KIRREL3: variants seen among roughly 807,000 people sequenced by gnomAD.
The protein encoded by KIRREL3 is kirre like nephrin family adhesion molecule 3.
In KIRREL3, 36 loss-of-function variants were observed where a neutral mutation model predicts 89.7. The observed-to-expected ratio is 0.40, with a 90% CI of 0.31 to 0.53. The LOEUF (loss-of-function observed/expected upper bound fraction) is 0.53. Ranked by LOEUF, KIRREL3 falls within the 20% of genes least tolerant of loss-of-function variation. The pLI, the probability that KIRREL3 is intolerant of heterozygous loss-of-function variation, is 0.49. For synonymous variants in KIRREL3, 445 were observed against 441.4 expected, an observed-to-expected ratio of 1.01 and a Z score of -0.10; for missense variants, 864 against 1,056.6, an observed-to-expected ratio of 0.82 and a Z score of 2.53.
At chr11:126,542,979 T>G (rs1938492113) in intron 2 of KIRREL3, among the ~76,000 whole-genome samples, 1 of 152,162 alleles carries the variant, frequency 6.6e-6, no homozygotes, top group African/African-American at 2.4e-5. Flanking sequence ...TTATCTTACC[T>G]AATCCACCTT....
chr11:126,823,774 C>G (rs1201689928), intron 1 of KIRREL3, among the ~76,000 whole-genome samples: 3 of 152,180 alleles, frequency 2.0e-5, no homozygotes, highest in Non-Finnish European at 4.4e-5. Flanking sequence ...ACCTATCTGA[C>G]AAGTCTGAAA....
intron 1 of KIRREL3, among the ~76,000 whole-genome samples, chr11:126,716,857 G>A (rs950164908): frequency 1.2e-4 from 19 of 152,116 alleles, no homozygotes; most frequent in East Asian, 9.7e-4. Context: ...TGCAGTGGGT[G>A]CCTGTTTTGT....
rs986651470 is a variant in KIRREL3 at position 126,601,542 on chromosome 11, T to C, written c.56-38630A>G. On this transcript the variant is annotated intron_variant, in intron 1 of 16. Transcript: ENST00000525144. This position sits in a 1 kb window ranked among gnomAD's most constrained non-coding sequence, Gnocchi z 5.8. ...TTGAATTTGAAGGCTATTTTCTTCC[T>C]AAATGGCTAATTATGGGAGATAGAT... Among the ~76,000 whole-genome samples the C allele has an allele frequency of 6.6e-6, 1 of 152,210 alleles. No individual in the cohort carries two copies. Among genetic ancestry groups the C allele is most frequent in the Non-Finnish European group, 1.5e-5 (1 of 68,038 alleles).
chr11:126,441,906 G>C lies in KIRREL3; in HGVS notation c.1253-1357C>G, dbSNP rs1164693411. Among the ~76,000 whole-genome samples the C allele has an allele frequency of 6.6e-6, 1 of 152,160 alleles. No individual in the cohort carries two copies. Among genetic ancestry groups the C allele is most frequent in the Non-Finnish European group, 1.5e-5 (1 of 68,028 alleles). On this transcript the variant is annotated intron_variant, in intron 10 of 16. Coordinates refer to ENST00000525144, the MANE Select transcript of KIRREL3 (RefSeq NM_032531.4). This position sits in a 1 kb window ranked among gnomAD's most constrained non-coding sequence, Gnocchi z 5.0. Reference sequence around the variant, plus strand: ...CTCCAACAGGTCTAGGACCCAAAGAGATGAGGAGATTGATGTTTTAGGAAC... The same window carrying C: ...CTCCAACAGGTCTAGGACCCAAAGACATGAGGAGATTGATGTTTTAGGAAC...
chr11:126,911,984 A>AG (rs1491039792), intron 1 of KIRREL3, among the ~76,000 whole-genome samples: 292 of 66,396 alleles, frequency 4.4e-3, no homozygotes, highest in African/African-American at 0.013. Context: ...CTCTGTCTCA[A>AG]AAAAAAAAAA....
At chr11:126,833,113 T>G (rs1227743640) in intron 1 of KIRREL3, among the ~76,000 whole-genome samples, 1 of 152,216 alleles carries the variant, frequency 6.6e-6, no homozygotes, top group Non-Finnish European at 1.5e-5. Context: ...GTCTCCTAGA[T>G]GCTTGTCTCC....
intron 5 of KIRREL3, among the ~76,000 whole-genome samples, chr11:126,465,147 AC>A (rs1219356853): frequency 2.0e-5 from 3 of 152,092 alleles, no homozygotes; most frequent in Non-Finnish European, 4.4e-5. Flanking sequence ...ACTAGGAGGT[AC>A]TAGGAAGGAA....
At position 126,451,200 on chromosome 11, in the gene KIRREL3, CAT is replaced by C. The variant is rs1222209045; in HGVS notation, c.849-2045_849-2044del. 6.6e-5 allele frequency among the ~76,000 whole-genome samples: 9 copies of C among 136,442 alleles called. No homozygotes were observed. The South Asian group carries it at 2.2e-3, about 33-fold the overall frequency. 89.5% of individuals were successfully genotyped at this position (136,442 alleles called of 152,430 possible). The stretch of plus-strand genomic sequence containing the variant: ...ATGTGTGAATGTGGCCGTGTGTGTG[CAT>C]GTGTGTGCATGTGTGGGTGTGTGTA... On this transcript the variant is annotated intron_variant, in intron 7 of 16. Transcript: ENST00000525144.
chr11:126,817,463 C>A lies in KIRREL3; in HGVS notation c.55+182992G>T, dbSNP rs1425761993. Among the ~76,000 whole-genome samples, 1 of 152,150 alleles carries A rather than the reference C, an allele frequency of 6.6e-6. No individual in the cohort carries two copies. The highest frequency in any genetic ancestry group is 1.5e-5 in the Non-Finnish European group (1 of 68,034). Reference sequence around the variant, plus strand: ...TGGGGGACAGAAGGGGATGGTTTAGCAATATCCTCAGGCTTCTACCTTCCC... The same window carrying A: ...TGGGGGACAGAAGGGGATGGTTTAGAAATATCCTCAGGCTTCTACCTTCCC... On this transcript the variant is annotated intron_variant, in intron 1 of 16. Coordinates refer to ENST00000525144, the MANE Select transcript of KIRREL3 (RefSeq NM_032531.4). The surrounding 1 kb of genome is among the most constrained non-coding windows in gnomAD (Gnocchi z 5.7).
rs146193463 is a variant in KIRREL3 at position 126,762,794 on chromosome 11, G to A, written c.56-199882C>T. Reference sequence around the variant, plus strand: ...GATCTTCAGTGGAATACCTGAGAGCGTAGACTCATGTCACAGTCTCTTTCG... The same window carrying A: ...GATCTTCAGTGGAATACCTGAGAGCATAGACTCATGTCACAGTCTCTTTCG... On this transcript the variant is annotated intron_variant, in intron 1 of 16. Transcript: ENST00000525144. 2.1e-3 allele frequency among the ~76,000 whole-genome samples: 314 copies of A among 152,302 alleles called. 5 individuals carry two copies. Among genetic ancestry groups the A allele is most frequent in the Admixed American group, 4.3e-3 (66 of 15,298 alleles).
chr11:126,982,736 G>A (rs937384869), intron 1 of KIRREL3, among the ~76,000 whole-genome samples: 9 of 152,168 alleles, frequency 5.9e-5, no homozygotes, highest in Admixed American at 3.3e-4. Flanking sequence ...TCAAAGTGCA[G>A]GCAGTAAGCC....
Position 126,562,880 on chromosome 11 carries a change from C to T in KIRREL3, c.88G>A (p.Val30Met), listed in dbSNP as rs182260035. Residue 30 changes from valine to methionine, a missense_variant, in exon 2 of 17, where the codon GTG becomes ATG. By Grantham distance (21) the Val-to-Met change is conservative (BLOSUM62 1). Coordinates refer to ENST00000525144, the MANE Select transcript of KIRREL3 (RefSeq NM_032531.4). This position sits in a 1 kb window ranked among gnomAD's most constrained non-coding sequence, Gnocchi z 4.7. ...TTGTCCTTGGCCATGTAGCCCAGCA[C>T]CAGACAGCATCCTCTCTTCTGGAGG... is the stretch of plus-strand genomic sequence containing the variant. ...LGLQKRGCCL[V>M]LGYMAKDKFR... 1.4e-4 allele frequency: 232 copies of T among 1,613,816 alleles called. No individual in the cohort carries two copies. In the East Asian group the frequency reaches 2.6e-3, roughly 18 times the overall value.
Position 126,995,321 on chromosome 11 carries a change from A to T in KIRREL3, c.55+5134T>A, listed in dbSNP as rs1257403119. ...AGATCACTGTGGTGGGGGGAGTTGAAGTGTGCATTCCAGCATGCTCATGAT... is the reference window on the plus strand; with the variant it reads ...AGATCACTGTGGTGGGGGGAGTTGATGTGTGCATTCCAGCATGCTCATGAT... On this transcript the variant is annotated intron_variant, in intron 1 of 16. Coordinates refer to ENST00000525144, the MANE Select transcript of KIRREL3 (RefSeq NM_032531.4). The surrounding 1 kb of genome is among the most constrained non-coding windows in gnomAD (Gnocchi z 6.5). 1 of 456,150 alleles carries T rather than the reference A, an allele frequency of 2.2e-6. No homozygotes were observed. Among genetic ancestry groups the T allele is most frequent in the South Asian group, 1.5e-5 (1 of 64,550 alleles). 28.3% of individuals were successfully genotyped at this position (456,150 alleles called of 1,614,324 possible).
In KIRREL3 at chr11:126,463,321, G is replaced by T; in HGVS notation, c.592-14C>A. 1 of 1,608,700 alleles carries T rather than the reference G, an allele frequency of 6.2e-7. No individual in the cohort carries two copies. Among genetic ancestry groups the T allele is most frequent in the South Asian group, 1.1e-5 (1 of 90,716 alleles). ...CCGAAGCAGGGTCTTGGGAGAAAGG[G>T]AAAGGGGAGAGAAAGCTCCATGTCG... On this transcript the variant is annotated splice_polypyrimidine_tract_variant and intron_variant, in intron 5 of 16. Transcript: ENST00000525144. The surrounding 1 kb of genome is among the most constrained non-coding windows in gnomAD (Gnocchi z 5.9).
In KIRREL3 at chr11:126,909,411, C is replaced by T. The variant is rs549627616; in HGVS notation, c.55+91044G>A. ...CATATCTGTAGCTCCACCTCAGGCA[C>T]GGTGCCCAGCTCCCAGCATACCCAC... is the stretch of plus-strand genomic sequence containing the variant. On this transcript the variant is annotated intron_variant, in intron 1 of 16. Coordinates refer to ENST00000525144, the MANE Select transcript of KIRREL3 (RefSeq NM_032531.4). This position sits in a 1 kb window ranked among gnomAD's most constrained non-coding sequence, Gnocchi z 4.5. Among the ~76,000 whole-genome samples the T allele has an allele frequency of 3.3e-5, 5 of 152,220 alleles. No homozygotes were observed. The highest frequency in any genetic ancestry group is 2.1e-4 in the South Asian group (1 of 4,828).
At position 126,498,489 on chromosome 11, in the gene KIRREL3, G is replaced by A. The variant is rs1957746066; in HGVS notation, c.433+22826C>T. Among the ~76,000 whole-genome samples the A allele has an allele frequency of 6.6e-6, 1 of 152,164 alleles. No homozygotes were observed. Among genetic ancestry groups the A allele is most frequent in the African/African-American group, 2.4e-5 (1 of 41,430 alleles). On this transcript the variant is annotated intron_variant, in intron 4 of 16. Transcript: ENST00000525144. The surrounding 1 kb of genome is among the most constrained non-coding windows in gnomAD (Gnocchi z 4.3). ...CACACTATCCTGTCTGTCAGGTAAG[G>A]GGTGGCAGCGAGAGATAATTATAAT...
chr11:126,760,434 A>G (rs1329395504), intron 1 of KIRREL3, among the ~76,000 whole-genome samples: 2 of 152,218 alleles, frequency 1.3e-5, no homozygotes, highest in East Asian at 1.9e-4. Context: ...GGGAACATCA[A>G]CAAATACCCC....
At chr11:126,875,039 G>T (rs1945231231) in intron 1 of KIRREL3, among the ~76,000 whole-genome samples, 1 of 152,136 alleles carries the variant, frequency 6.6e-6, no homozygotes, top group Non-Finnish European at 1.5e-5. Flanking sequence ...CCTGTAGGGG[G>T]CTCCTCATCT....
intron 1 of KIRREL3, among the ~76,000 whole-genome samples, chr11:126,700,724 A>C (rs562640787): frequency 1.3e-5 from 2 of 152,098 alleles, no homozygotes; most frequent in Non-Finnish European, 2.9e-5. Flanking sequence ...TCATCCCGCT[A>C]TTCAGCAGGT....
Sources: allele counts gnomAD v4.1 joint callset (sites outside exome capture counted in the v4.1 genomes callset), GRCh38; gene constraint gnomAD v4.1.1; non-coding constraint Gnocchi (gnomAD v3.1); transcripts MANE v1.5; gene names NCBI Gene and HGNC (gene_info 2026-07-23, HGNC 2026-07-21).